Variants in LUZP2 observed in about 807,000 individuals in gnomAD.
LUZP2 encodes leucine zipper protein 2.
In LUZP2, 52 loss-of-function variants were observed where a neutral mutation model predicts 51.6. The observed-to-expected ratio is 1.01, with a 90% confidence interval of 0.81 to 1.27. LUZP2 has a LOEUF of 1.27. Among genes scored for constraint, LUZP2 ranks in the 50% most tolerant of loss-of-function variants. The pLI is 0.00. For missense variants in LUZP2, 436 were observed against 395.4 expected, an observed-to-expected ratio of 1.10 and a Z score of -0.87; for synonymous variants, 154 against 137.3, an observed-to-expected ratio of 1.12 and a Z score of -0.85.
chr11:24,613,341 C>T (rs912288702), intron 1 of LUZP2, among the ~76,000 whole-genome samples: 3 of 131,734 alleles, frequency 2.3e-5, no homozygotes, highest in Non-Finnish European at 5.0e-5. Flanking sequence ...CACACACTCT[C>T]ATGCACAAAC....
intron 1 of LUZP2, among the ~76,000 whole-genome samples, chr11:24,648,330 C>G (rs1855523306): frequency 6.6e-6 from 1 of 151,810 alleles, no homozygotes. Flanking sequence ...TCTCAGACTT[C>G]TAGTTCTTAC....
At chr11:24,830,366 C>A (rs1850662887) in intron 5 of LUZP2, among the ~76,000 whole-genome samples, 2 of 152,138 alleles carry the variant, frequency 1.3e-5, no homozygotes, top group East Asian at 1.9e-4. Context: ...TATGATTCTC[C>A]TAATATAAAA....
At chr11:24,917,143 T>A (rs1323555798) in intron 7 of LUZP2, among the ~76,000 whole-genome samples, 1 of 152,222 alleles carries the variant, frequency 6.6e-6, no homozygotes, top group Admixed American at 6.5e-5. Context: ...TTTTGAGAAG[T>A]GTCTGTTCAT....
intron 7 of LUZP2, among the ~76,000 whole-genome samples, chr11:24,931,395 C>T (rs960301466): frequency 1.1e-4 from 16 of 151,968 alleles, no homozygotes; most frequent in African/African-American, 3.9e-4. Context: ...CCCTCCACAC[C>T]TGTGGGCGTT....
At chr11:24,895,836 T>C (rs999882339) in intron 5 of LUZP2, among the ~76,000 whole-genome samples, 1 of 152,200 alleles carries the variant, frequency 6.6e-6, no homozygotes, top group Admixed American at 6.5e-5. Context: ...ATTTGTTTTC[T>C]TTTTTTGGAT....
At chr11:24,600,040 G>A (rs1375287024) in intron 1 of LUZP2, among the ~76,000 whole-genome samples, 1 of 151,972 alleles carries the variant, frequency 6.6e-6, no homozygotes, top group African/African-American at 2.4e-5. Context: ...CCTAACACCT[G>A]GTACCTGTGA....
intron 1 of LUZP2, among the ~76,000 whole-genome samples, chr11:24,666,507 T>C (rs1856216914): frequency 6.6e-6 from 1 of 152,120 alleles, no homozygotes. Context: ...AAGAAACAAA[T>C]AGCTAAGACC....
At chr11:24,750,443 G>T (rs529002168) in intron 4 of LUZP2, among the ~76,000 whole-genome samples, 3 of 152,184 alleles carry the variant, frequency 2.0e-5, no homozygotes, top group Non-Finnish European at 4.4e-5. Flanking sequence ...GTAGAAGCAA[G>T]GTTTTTTGAC....
At chr11:24,616,347 CAT>C (rs1328816259) in intron 1 of LUZP2, among the ~76,000 whole-genome samples, 3 of 151,990 alleles carry the variant, frequency 2.0e-5, no homozygotes, top group Admixed American at 6.6e-5. Context: ...TATTGTTTTA[CAT>C]GTTACACTTA....
At chr11:24,745,695 T>C (rs1204780900) in intron 4 of LUZP2, among the ~76,000 whole-genome samples, 3 of 152,104 alleles carry the variant, frequency 2.0e-5, no homozygotes, top group Non-Finnish European at 4.4e-5. Context: ...TGTTTTGTTT[T>C]GAGATGGAGT....
chr11:24,547,352 A>G (rs1038755941), intron 1 of LUZP2, among the ~76,000 whole-genome samples: 51 of 152,216 alleles, frequency 3.4e-4, no homozygotes, highest in African/African-American at 1.2e-3. Context: ...TCAGCATGGT[A>G]CTGGTGCAAA....
At chr11:24,603,449 A>G (rs1478005871) in intron 1 of LUZP2, among the ~76,000 whole-genome samples, 1 of 151,822 alleles carries the variant, frequency 6.6e-6, no homozygotes, top group Non-Finnish European at 1.5e-5. Context: ...ATATCATCCA[A>G]GTGAGAACCA....
At chr11:24,563,573 T>C (rs1852125095) in intron 1 of LUZP2, among the ~76,000 whole-genome samples, 1 of 152,172 alleles carries the variant, frequency 6.6e-6, no homozygotes, top group South Asian at 2.1e-4. Context: ...AGTTACATCA[T>C]GCTTTCTTTA....
At chr11:24,899,515 A>G (rs1853207810) in intron 5 of LUZP2, among the ~76,000 whole-genome samples, 1 of 152,110 alleles carries the variant, frequency 6.6e-6, no homozygotes, top group Admixed American at 6.6e-5. Context: ...ATATCGCCAG[A>G]CTATATAAAA....
Position 24,945,678 on chromosome 11 carries a change from T to A in LUZP2, c.523-30913T>A, listed in dbSNP as rs547280343. 2.0e-5 allele frequency among the ~76,000 whole-genome samples: 3 copies of A among 152,230 alleles called. No individual in the cohort carries two copies. In the East Asian group the frequency reaches 5.8e-4, roughly 29 times the overall value. ...AGTCTTATCAGCACTGAACATTGGATAATAGAGGTGTTACATTTCTCATGG... is the reference window on the plus strand; with the variant it reads ...AGTCTTATCAGCACTGAACATTGGAAAATAGAGGTGTTACATTTCTCATGG... On this transcript the variant is annotated intron_variant, in intron 7 of 11. Transcript: ENST00000336930.
intron 1 of LUZP2, among the ~76,000 whole-genome samples, chr11:24,710,702 A>G (rs908017623): frequency 2.0e-5 from 3 of 152,354 alleles, no homozygotes; most frequent in African/African-American, 7.2e-5. Flanking sequence ...ATTATATATC[A>G]CAACCCCCAT....
intron 1 of LUZP2, among the ~76,000 whole-genome samples, chr11:24,563,610 T>C (rs909201220): frequency 6.6e-6 from 1 of 152,164 alleles, no homozygotes; most frequent in Non-Finnish European, 1.5e-5. Context: ...ATCCTTTTGA[T>C]TGTCGGCACA....
At chr11:24,526,349 A>T (rs1439851753) in intron 1 of LUZP2, among the ~76,000 whole-genome samples, 2 of 150,882 alleles carry the variant, frequency 1.3e-5, no homozygotes, top group Non-Finnish European at 3.0e-5. Flanking sequence ...TTCAAATTTT[A>T]TTCAGTTGTG....
chr11:24,971,291 C>T (rs1188991571), intron 7 of LUZP2, among the ~76,000 whole-genome samples: 4 of 152,138 alleles, frequency 2.6e-5, no homozygotes, highest in Non-Finnish European at 5.9e-5. Context: ...GAGCATGCAG[C>T]CCAGATCCCT....
Sources: allele counts gnomAD v4.1 joint callset (sites outside exome capture counted in the v4.1 genomes callset), GRCh38; gene constraint gnomAD v4.1.1; transcripts MANE v1.5; gene names NCBI Gene and HGNC (gene_info 2026-07-23, HGNC 2026-07-21).